ENPP6: variants seen among roughly 807,000 people sequenced by gnomAD.
ENPP6 encodes ectonucleotide pyrophosphatase/phosphodiesterase 6.
Under a neutral mutation model 42.0 loss-of-function variants are expected in ENPP6, and 32 were observed. The ratio of observed to expected loss-of-function variants is 0.76; its 90% confidence interval spans 0.58 to 1.02. ENPP6 has a LOEUF of 1.02. Ranked by LOEUF, ENPP6 falls within the 50% of genes least tolerant of loss-of-function variation. ENPP6 has a pLI of 0.00. For missense variants in ENPP6, 552 were observed against 566.8 expected (o/e 0.97, Z 0.27); for synonymous variants, 213 against 216.0 (o/e 0.99, Z 0.12).
intron 1 of ENPP6, among the ~76,000 whole-genome samples, chr4:184,163,766 T>C (rs996558235): frequency 2.6e-5 from 4 of 152,342 alleles, no homozygotes; most frequent in Middle Eastern, 3.4e-3. Flanking sequence ...CTATGTGTGT[T>C]TCCGTCAGGC....
chr4:184,200,538 C>T (rs1429906545), intron 1 of ENPP6, among the ~76,000 whole-genome samples: 1 of 152,220 alleles, frequency 6.6e-6, no homozygotes. Context: ...TCACTAAATG[C>T]ACAACCAACC....
chr4:184,161,333 C>G (rs1461114912), intron 1 of ENPP6, among the ~76,000 whole-genome samples: 1 of 152,182 alleles, frequency 6.6e-6, no homozygotes, highest in Non-Finnish European at 1.5e-5. Flanking sequence ...ATCAAAACTA[C>G]AATGCAATAC....
At chr4:184,138,938 C>T (rs937189614) in intron 2 of ENPP6, among the ~76,000 whole-genome samples, 10 of 152,230 alleles carry the variant, frequency 6.6e-5, no homozygotes, top group East Asian at 1.9e-4. Flanking sequence ...ATCCTAATTA[C>T]GATCTACTAA....
chr4:184,173,613 T>C (rs1330096900), intron 1 of ENPP6, among the ~76,000 whole-genome samples: 1 of 152,198 alleles, frequency 6.6e-6, no homozygotes. Flanking sequence ...TCTGAAAGTG[T>C]CTGAGGAAAG....
intron 1 of ENPP6, among the ~76,000 whole-genome samples, chr4:184,166,917 A>G (rs1560998991): frequency 6.6e-6 from 1 of 152,108 alleles, no homozygotes; most frequent in Non-Finnish European, 1.5e-5. Flanking sequence ...TTTGGCAAAA[A>G]CCAGGCTCCG....
intron 6 of ENPP6, among the ~76,000 whole-genome samples, chr4:184,098,432 G>C (rs1184224113): frequency 2.6e-5 from 4 of 152,142 alleles, no homozygotes; most frequent in Admixed American, 2.0e-4. Context: ...GACCCAGAAG[G>C]GTCTCCTCAG....
Position 184,153,592 on chromosome 4 carries a change from G to A in ENPP6, c.383C>T (p.Thr128Ile). The A allele has an allele frequency of 6.2e-7, 1 of 1,614,102 alleles. No individual in the cohort carries two copies. Among genetic ancestry groups the A allele is most frequent in the Non-Finnish European group, 8.5e-7 (1 of 1,180,022 alleles). The part of the protein sequence containing the change: ...NGSEPLWVTL[T>I]KAKRKVYMYY... ...CATGTAGACCTTCCTTTTGGCCTTG[G>A]TCAGAGTGACCCACAGAGGTTCTGA... Residue 128 changes from threonine (T) to isoleucine (I), a missense_variant, in exon 2 of 8, where the codon ACC becomes ATC. This residue lies in a region of ENPP6 where 545 missense variants were observed against 546.3 expected (regional missense o/e 1.00). Coordinates refer to ENST00000296741, the MANE Select transcript of ENPP6 (RefSeq NM_153343.4).
intron 5 of ENPP6, among the ~76,000 whole-genome samples, chr4:184,116,553 G>A (rs1736317280): frequency 1.3e-5 from 2 of 151,994 alleles, no homozygotes; most frequent in Non-Finnish European, 2.9e-5. Flanking sequence ...TGACCACATG[G>A]AGAAACCCTG....
chr4:184,122,916 T>C (rs543531082), intron 3 of ENPP6, among the ~76,000 whole-genome samples: 1 of 152,360 alleles, frequency 6.6e-6, no homozygotes, highest in Admixed American at 6.5e-5. Context: ...TGCTGTGCTA[T>C]TCTGCTTCAC....
intron 1 of ENPP6, among the ~76,000 whole-genome samples, chr4:184,189,286 A>G (rs1406157871): frequency 6.6e-6 from 1 of 152,128 alleles, no homozygotes; most frequent in Non-Finnish European, 1.5e-5. Context: ...AGTTCCCAAA[A>G]AGAATTAGAC....
chr4:184,161,986 T>C (rs777955567), intron 1 of ENPP6, among the ~76,000 whole-genome samples: 3 of 152,058 alleles, frequency 2.0e-5, no homozygotes, highest in Non-Finnish European at 4.4e-5. Context: ...CTAAAGAACT[T>C]ACTTATGTAA....
chr4:184,125,517 G>A (rs1435989864), intron 2 of ENPP6, among the ~76,000 whole-genome samples: 1 of 152,192 alleles, frequency 6.6e-6, no homozygotes, highest in Non-Finnish European at 1.5e-5. Context: ...GGAGGAAGGA[G>A]TCCCTGTCAG....
At chr4:184,105,018 T>C (rs375404924) in intron 6 of ENPP6, among the ~76,000 whole-genome samples, 125 of 152,258 alleles carry the variant, frequency 8.2e-4, no homozygotes, top group African/African-American at 2.6e-3. Flanking sequence ...CAGGGAGGGA[T>C]TGGCACAGAG....
Position 184,091,087 on chromosome 4 carries a change from G to T in ENPP6, c.*90C>A. On this transcript the variant is annotated 3_prime_UTR_variant, in exon 8 of 8. Transcript: ENST00000296741. ...GCATGGTCTTGATTGTGTTAATGAA[G>T]CTATTATTCACACATAAAATGAAAA... 1 of 1,177,190 alleles carries T rather than the reference G, an allele frequency of 8.5e-7. No homozygotes were observed. The highest frequency in any genetic ancestry group is 1.2e-6 in the Non-Finnish European group (1 of 848,270). The allele number at this position is 1,177,190 out of a possible 1,614,324, so 72.9% of individuals were successfully genotyped here.
At position 184,091,320 on chromosome 4, in the gene ENPP6, T is replaced by G; in HGVS notation, c.1180A>C (p.Asn394His). ...GGCAGCGGGGTGATGCCCACCACAT[T>G]GCACATGACATTGTAGACGTCCACC... ...RSVDVYNVMC[N>H]VVGITPLPNN... is the part of the protein sequence containing the mutation. The change falls in exon 8 of 8, where the codon AAT becomes CAT. Residue 394 changes from asparagine (N) to histidine (H), a missense_variant. Physicochemically the swap from Asn to His is moderately conservative, Grantham distance 68. Coordinates refer to ENST00000296741, the MANE Select transcript of ENPP6 (RefSeq NM_153343.4). 6.2e-7 allele frequency: 1 copy of G among 1,614,090 alleles called. No homozygotes were observed. The highest frequency in any genetic ancestry group is 8.5e-7 in the Non-Finnish European group (1 of 1,180,008).
intron 1 of ENPP6, among the ~76,000 whole-genome samples, chr4:184,174,036 A>T (rs1260804742): frequency 6.6e-6 from 1 of 152,010 alleles, no homozygotes; most frequent in Non-Finnish European, 1.5e-5. Context: ...ATGCTAACTG[A>T]GTTAGAAATG....
At chr4:184,116,721 G>T in intron 5 of ENPP6, 135 bp downstream of exon 5, 1 of 1,252,630 alleles carries the variant, frequency 8.0e-7, no homozygotes, top group African/African-American at 1.5e-5. Context: ...CAATAAAAGT[G>T]AAACTCTGCC....
intron 1 of ENPP6, among the ~76,000 whole-genome samples, chr4:184,181,781 T>C (rs1219395056): frequency 1.3e-5 from 2 of 152,190 alleles, no homozygotes; most frequent in Non-Finnish European, 2.9e-5. Context: ...GTTTAATAAA[T>C]GGTGCTGGGA....
intron 1 of ENPP6, among the ~76,000 whole-genome samples, chr4:184,178,876 G>A (rs190282709): frequency 1.3e-5 from 2 of 152,280 alleles, no homozygotes; most frequent in East Asian, 3.9e-4. Flanking sequence ...CCTGAAGGAA[G>A]CACAAATATG....
Sources: gnomAD v4.1 joint callset for allele counts (sites outside exome capture counted in the v4.1 genomes callset) on GRCh38, gnomAD v4.1.1 for gene constraint, gnomAD v4.1.1 regional missense constraint, MANE v1.5 for transcripts, NCBI Gene and HGNC (gene_info 2026-07-23, HGNC 2026-07-21) for gene names.